MME: variants seen among roughly 807,000 people sequenced by gnomAD.
The protein encoded by MME is neprilysin.
MME carries 98 observed loss-of-function variants against 113.2 expected under a neutral mutation model. The ratio of observed to expected loss-of-function variants is 0.87; its 90% CI spans 0.74 to 1.02. The LOEUF (loss-of-function observed/expected upper bound fraction) is 1.02. Among genes scored for constraint, MME ranks in the 50% least tolerant of loss-of-function variants. The pLI, the probability that MME is intolerant of heterozygous loss-of-function variation, is 0.00. For synonymous variants in MME, 292 were observed against 300.6 expected (o/e 0.97, Z 0.30); for missense variants, 836 against 896.0 (o/e 0.93, Z 0.86).
chr3:155,084,973 T>A, intron 2 of MME, 86 bp from the exon 3 acceptor site: 1 of 852,184 alleles, frequency 1.2e-6, no homozygotes, highest in South Asian at 1.7e-5. Flanking sequence ...GCTTATTTAA[T>A]TGGCAGTTTT....
intron 1 of MME, among the ~76,000 whole-genome samples, chr3:155,065,060 A>T (rs1714343614): frequency 6.6e-6 from 1 of 152,182 alleles, no homozygotes; most frequent in South Asian, 2.1e-4. Context: ...TTTCTTAGCT[A>T]ATTCCATCTG....
intron 17 of MME, among the ~76,000 whole-genome samples, chr3:155,166,189 G>T (rs1723081104): frequency 1.3e-5 from 2 of 151,950 alleles, no homozygotes; most frequent in African/African-American, 4.8e-5. Flanking sequence ...TAATGAACTA[G>T]AAAAATGTAT....
In MME at chr3:155,064,955, G is replaced by C. The variant is rs572972564; in HGVS notation, c.-10-19203G>C. 1.5e-4 allele frequency among the ~76,000 whole-genome samples: 23 copies of C among 152,180 alleles called. 1 individual carries two copies. Among genetic ancestry groups the C allele is most frequent in the African/African-American group, 4.3e-4 (18 of 41,494 alleles). On this transcript the variant is annotated intron_variant, in intron 1 of 22. Coordinates refer to the MME transcript ENST00000492661. ...GTTATCACATGGCCATATTATCCCC[G>C]ACTAAATTAGTGTCTCTGTTTCTGT...
At chr3:155,133,062 A>AATATGTAT (rs1720289393) in intron 8 of MME, among the ~76,000 whole-genome samples, 1 of 75,102 alleles carries the variant, frequency 1.3e-5, no homozygotes, top group African/African-American at 6.6e-5. Flanking sequence ...AAAAAAAAAA[A>AATATGTAT]ATATATATAT....
At chr3:155,167,066 T>C (rs912781128) in intron 18 of MME, 45 bp downstream of exon 18, 1 of 1,606,670 alleles carries the variant, frequency 6.2e-7, no homozygotes, top group Non-Finnish European at 8.5e-7. Flanking sequence ...TATATGCTCA[T>C]AAATTTGATT....
chr3:155,091,663 G>A (rs1716308645), intron 3 of MME, among the ~76,000 whole-genome samples: 1 of 152,172 alleles, frequency 6.6e-6, no homozygotes, highest in East Asian at 1.9e-4. Context: ...CCATGGGGTA[G>A]CAAGGTGCTT....
intron 1 of MME, among the ~76,000 whole-genome samples, chr3:155,056,916 C>A (rs1167540383): frequency 1.3e-5 from 2 of 152,088 alleles, no homozygotes; most frequent in Non-Finnish European, 2.9e-5. Context: ...AAACTGGATC[C>A]CTTCCTTACA....
intron 1 of MME, among the ~76,000 whole-genome samples, chr3:155,045,168 T>C (rs538350080): frequency 6.6e-6 from 1 of 152,020 alleles, no homozygotes; most frequent in Non-Finnish European, 1.5e-5. Flanking sequence ...TTTTTTTTTT[T>C]TCAGACGGAG....
intron 1 of MME, among the ~76,000 whole-genome samples, chr3:155,074,159 T>A (rs1381378451): frequency 1.3e-5 from 2 of 152,036 alleles, no homozygotes; most frequent in Non-Finnish European, 2.9e-5. Flanking sequence ...CTATCTCTGG[T>A]CATTTTTATG....
intron 3 of MME, among the ~76,000 whole-genome samples, chr3:155,099,064 A>G (rs1296390573): frequency 6.6e-6 from 1 of 152,210 alleles, no homozygotes; most frequent in African/African-American, 2.4e-5. Flanking sequence ...AAGTGATAAC[A>G]GAAAACTAGT....
intron 21 of MME, 93 bp downstream of exon 21, chr3:155,172,305 T>C: frequency 1.1e-6 from 1 of 914,562 alleles, no homozygotes. Context: ...TCCCTTGTTT[T>C]ACAGAGCATT....
intron 3 of MME, among the ~76,000 whole-genome samples, chr3:155,100,580 ACT>A (rs1177796099): frequency 2.0e-5 from 3 of 152,192 alleles, no homozygotes; most frequent in African/African-American, 7.2e-5. Context: ...ACAATCATTA[ACT>A]CAACTATGAA....
intron 1 of MME, among the ~76,000 whole-genome samples, chr3:155,048,779 G>T (rs1455478022): frequency 2.6e-5 from 4 of 151,900 alleles, no homozygotes; most frequent in Admixed American, 6.6e-5. Context: ...TCATTATTTT[G>T]TCTTTGAATA....
chr3:155,094,512 A>C (rs1169844918), intron 3 of MME, among the ~76,000 whole-genome samples: 2 of 152,254 alleles, frequency 1.3e-5, no homozygotes, highest in Non-Finnish European at 2.9e-5. Flanking sequence ...TCAAATAAAA[A>C]TCAAATCAAA....
chr3:155,073,755 T>A (rs928338253), intron 1 of MME, among the ~76,000 whole-genome samples: 8 of 152,266 alleles, frequency 5.3e-5, no homozygotes, highest in South Asian at 4.2e-4. Context: ...AATGCTTTTT[T>A]AAGGATATAT....
intron 10 of MME, among the ~76,000 whole-genome samples, chr3:155,140,672 T>TGTTA (rs1170278077): frequency 6.6e-6 from 1 of 152,032 alleles, no homozygotes; most frequent in Non-Finnish European, 1.5e-5. Context: ...CCTCCCAAAG[T>TGTTA]GTTAGCCACA....
intron 1 of MME, among the ~76,000 whole-genome samples, chr3:155,036,009 G>C (rs1713116486): frequency 6.6e-6 from 1 of 152,146 alleles, no homozygotes; most frequent in Admixed American, 6.6e-5. Context: ...AACCAGTATA[G>C]TTGTGGTGGA....
chr3:155,137,004 C>G (rs1166820554), intron 8 of MME, among the ~76,000 whole-genome samples: 1 of 152,112 alleles, frequency 6.6e-6, no homozygotes, highest in Admixed American at 6.5e-5. Flanking sequence ...TGGTTCAAAC[C>G]TAACAAAAGT....
upstream of MME, chr3:155,079,737 G>C (rs1469042996): frequency 6.6e-6 from 1 of 152,394 alleles, no homozygotes; most frequent in East Asian, 1.9e-4. Context: ...TCCTGGCGCG[G>C]GATCTGCTGA....
Sources: gnomAD v4.1 joint callset for allele counts (sites outside exome capture counted in the v4.1 genomes callset) on GRCh38, gnomAD v4.1.1 for gene constraint, MANE v1.5 for transcripts, NCBI Gene and HGNC (gene_info 2026-07-23, HGNC 2026-07-21) for gene names.